POMGNT2: variants seen among roughly 807,000 people sequenced by gnomAD.
The protein encoded by POMGNT2 is protein O-linked-mannose beta-1,4-N-acetylglucosaminyltransferase 2.
Under a neutral mutation model 37.8 loss-of-function variants are expected in POMGNT2, and 32 were observed. The ratio of observed to expected loss-of-function variants is 0.85; its 90% CI spans 0.64 to 1.14. The LOEUF is 1.14. Ranked by LOEUF, POMGNT2 falls within the 50% of genes most tolerant of loss-of-function variation. The pLI is 0.00. For missense variants in POMGNT2, 705 were observed against 780.6 expected, an observed-to-expected ratio of 0.90 and a Z score of 1.15; for synonymous variants, 340 against 336.8, an observed-to-expected ratio of 1.01 and a Z score of -0.10.
At chr3:43,103,226 A>G (rs895828003) in intron 1 of POMGNT2, among the ~76,000 whole-genome samples, 10 of 152,184 alleles carry the variant, frequency 6.6e-5, no homozygotes, top group Non-Finnish European at 1.3e-4. Flanking sequence ...GAGCTCTCAC[A>G]GGCAGCCAGG....
At position 43,106,015 on chromosome 3, in the gene POMGNT2, C is replaced by A. The variant is rs2090057350; in HGVS notation, c.-285G>T. The A allele has an allele frequency of 1.3e-5, 2 of 151,620 alleles. No homozygotes were observed. Among genetic ancestry groups the A allele is most frequent in the South Asian group, 4.2e-4 (2 of 4,816 alleles). The allele number at this position is 151,620 out of a possible 1,614,324, so 9.4% of individuals were successfully genotyped here. Reference sequence around the variant, plus strand: ...GCCGCCGGGTTCGCAGCGACCGCCACCTCCAGGCTCGCAGGTGTCCGCCGT... The same window carrying A: ...GCCGCCGGGTTCGCAGCGACCGCCAACTCCAGGCTCGCAGGTGTCCGCCGT... On this transcript the variant is annotated 5_prime_UTR_variant, in exon 1 of 2. Transcript: ENST00000344697.
chr3:43,081,622 G>A (rs969733481), intron 1 of POMGNT2, 86 bp from the exon 2 acceptor site: 30 of 597,654 alleles, frequency 5.0e-5, no homozygotes, highest in African/African-American at 3.5e-4. Context: ...AGGCACGGTA[G>A]CTAGGCTCTG....
chr3:43,094,608 C>T (rs1490913233), intron 1 of POMGNT2, among the ~76,000 whole-genome samples: 2 of 152,218 alleles, frequency 1.3e-5, no homozygotes, highest in Non-Finnish European at 2.9e-5. Context: ...ACACTGTCTG[C>T]TTGGTCCTAA....
intron 1 of POMGNT2, among the ~76,000 whole-genome samples, chr3:43,086,027 T>C (rs758903272): frequency 1.3e-5 from 2 of 151,866 alleles, no homozygotes; most frequent in African/African-American, 2.4e-5. Context: ...TAATGTCCAG[T>C]ATTTTTAGCT....
intron 1 of POMGNT2, among the ~76,000 whole-genome samples, chr3:43,091,503 T>C (rs978092285): frequency 1.3e-5 from 2 of 152,200 alleles, no homozygotes; most frequent in African/African-American, 2.4e-5. Context: ...ATCATGGAAA[T>C]AGATCACCAT....
chr3:43,083,990 G>A (rs939551570), intron 1 of POMGNT2, among the ~76,000 whole-genome samples: 9 of 152,168 alleles, frequency 5.9e-5, no homozygotes, highest in Admixed American at 2.0e-4. Flanking sequence ...TTTTCACTGC[G>A]TATAGAATTT....
intron 1 of POMGNT2, among the ~76,000 whole-genome samples, chr3:43,081,761 G>A (rs144198251): frequency 3.3e-5 from 5 of 152,314 alleles, no homozygotes; most frequent in South Asian, 2.1e-4. Context: ...CCCCACACCC[G>A]ACTTTGGGCT....
Position 43,081,289 on chromosome 3 carries a change from G to A in POMGNT2, c.143C>T (p.Ala48Val), listed in dbSNP as rs1020151137. 5.0e-6 allele frequency: 8 copies of A among 1,613,016 alleles called. No homozygotes were observed. The highest frequency in any genetic ancestry group is 6.8e-6 in the Non-Finnish European group (8 of 1,180,030). ...TGCCTTCGGGTAGTCGATCCTCAGT[G>A]CTGGGGCTGGCTCTGTGGCCTGTCG... ...LSRQATEPAPALRIDYPKALQ... is the reference protein window; with the variant it reads ...LSRQATEPAPVLRIDYPKALQ... Residue 48 changes from alanine (A) to valine (V), a missense_variant, in exon 2 of 2, where the codon GCA becomes GTA. Coordinates refer to ENST00000344697, the MANE Select transcript of POMGNT2 (RefSeq NM_032806.6).
At chr3:43,102,061 A>T (rs1470374350) in intron 1 of POMGNT2, among the ~76,000 whole-genome samples, 1 of 151,902 alleles carries the variant, frequency 6.6e-6, no homozygotes, top group African/African-American at 2.4e-5. Context: ...CCCGAGAAAG[A>T]AGCCCCTGAA....
chr3:43,095,500 G>A (rs964580027), intron 1 of POMGNT2, among the ~76,000 whole-genome samples: 1 of 151,900 alleles, frequency 6.6e-6, no homozygotes, highest in Non-Finnish European at 1.5e-5. Flanking sequence ...CATGACAGGT[G>A]CCCTAACAAA....
chr3:43,092,395 T>A (rs2089950457), intron 1 of POMGNT2, among the ~76,000 whole-genome samples: 1 of 152,194 alleles, frequency 6.6e-6, no homozygotes, highest in Non-Finnish European at 1.5e-5. Context: ...ATTCCTGGGC[T>A]CAGGCGATCC....
intron 1 of POMGNT2, among the ~76,000 whole-genome samples, chr3:43,095,499 T>C (rs2089973475): frequency 6.6e-6 from 1 of 151,732 alleles, no homozygotes; most frequent in Admixed American, 6.6e-5. Flanking sequence ...ACATGACAGG[T>C]GCCCTAACAA....
At position 43,079,728 on chromosome 3, in the gene POMGNT2, G is replaced by C; in HGVS notation, c.1704C>G (p.Leu568=). 1.2e-6 allele frequency: 2 copies of C among 1,614,144 alleles called. No individual in the cohort carries two copies. Among genetic ancestry groups the C allele is most frequent in the Non-Finnish European group, 1.7e-6 (2 of 1,180,018 alleles). ...CCAGCACATCTGCAAAGGGTCCCAG[G>C]AGGATCTTGTTGAAGATGCAGCGGA... ...VWVRCIFNKI[L]LGPFADVLVC... The change falls in exon 2 of 2, where the codon CTC becomes CTG. Residue 568 remains leucine, a synonymous_variant. Transcript: ENST00000344697.
intron 1 of POMGNT2, among the ~76,000 whole-genome samples, chr3:43,086,992 G>C (rs762187505): frequency 6.6e-6 from 1 of 152,156 alleles, no homozygotes; most frequent in Non-Finnish European, 1.5e-5. Flanking sequence ...CCTTAAAAGA[G>C]ACAGAAAAGG....
intron 1 of POMGNT2, among the ~76,000 whole-genome samples, chr3:43,100,045 T>C (rs1430471294): frequency 6.6e-6 from 1 of 152,180 alleles, no homozygotes; most frequent in African/African-American, 2.4e-5. Context: ...GCGATCTCCT[T>C]CTTTTTATCT....
chr3:43,102,652 C>T (rs1385302188), intron 1 of POMGNT2, among the ~76,000 whole-genome samples: 1 of 152,184 alleles, frequency 6.6e-6, no homozygotes, highest in Non-Finnish European at 1.5e-5. Context: ...CAATGCAGTA[C>T]CAATATTATC....
At chr3:43,099,386 G>A (rs1244686686) in intron 1 of POMGNT2, among the ~76,000 whole-genome samples, 1 of 152,210 alleles carries the variant, frequency 6.6e-6, no homozygotes, top group Non-Finnish European at 1.5e-5. Context: ...TGGAGGATAA[G>A]ATGAGCATCT....
At chr3:43,091,630 G>A (rs1418171721) in intron 1 of POMGNT2, among the ~76,000 whole-genome samples, 3 of 152,226 alleles carry the variant, frequency 2.0e-5, no homozygotes, top group Non-Finnish European at 4.4e-5. Flanking sequence ...TTCTTCCCAT[G>A]AGGTGCATAT....
At chr3:43,094,861 A>C (rs1431703902) in intron 1 of POMGNT2, among the ~76,000 whole-genome samples, 1 of 152,166 alleles carries the variant, frequency 6.6e-6, no homozygotes, top group Admixed American at 6.5e-5. Flanking sequence ...AGAGCACAAA[A>C]GCAGAGCTGG....
Sources: gnomAD v4.1 joint callset for allele counts (sites outside exome capture counted in the v4.1 genomes callset) on GRCh38, gnomAD v4.1.1 for gene constraint, MANE v1.5 for transcripts, NCBI Gene and HGNC (gene_info 2026-07-23, HGNC 2026-07-21) for gene names.